The following KCNIP1 variants were observed in gnomAD, a reference collection of about 807,000 sequenced individuals.
KCNIP1 encodes A-type potassium channel modulatory protein KCNIP1.
KCNIP1 carries 18 observed loss-of-function variants against 33.0 expected under a neutral mutation model. The ratio of observed to expected loss-of-function variants is 0.55; its 90% CI spans 0.38 to 0.81. The LOEUF (loss-of-function observed/expected upper bound fraction) is 0.81, where lower values mean the gene tolerates loss of function less well. Among genes scored for constraint, KCNIP1 ranks in the 30% least tolerant of loss-of-function variants. The probability of loss-of-function intolerance (pLI) is 0.00; values close to 1 mark genes in which losing one functional copy is unlikely to be tolerated. For missense variants in KCNIP1, 238 were observed against 271.6 expected, an observed-to-expected ratio of 0.88 and a Z score of 0.87; for synonymous variants, 93 against 98.3, an observed-to-expected ratio of 0.95 and a Z score of 0.32.
chr5:170,497,743 C>T (rs1757336568), intron 1 of KCNIP1, among the ~76,000 whole-genome samples: 1 of 152,202 alleles, frequency 6.6e-6, no homozygotes, highest in African/African-American at 2.4e-5. Flanking sequence ...AAATATCCTT[C>T]CCCCTCTCCC....
At chr5:170,427,201 C>T (rs111864563) in intron 1 of KCNIP1, among the ~76,000 whole-genome samples, 2,073 of 152,302 alleles carry the variant, frequency 0.014, 48 homozygotes, top group African/African-American at 0.048. Context: ...TAAAGAGGTG[C>T]TGAGAGTCAC....
At chr5:170,453,212 T>C (rs1399323416) in intron 1 of KCNIP1, among the ~76,000 whole-genome samples, 1 of 152,202 alleles carries the variant, frequency 6.6e-6, no homozygotes, top group Non-Finnish European at 1.5e-5. Context: ...CAAAATGCAT[T>C]TACGCTCAGC....
At chr5:170,533,584 T>G (rs2113353188) in intron 1 of KCNIP1, among the ~76,000 whole-genome samples, 1 of 152,268 alleles carries the variant, frequency 6.6e-6, no homozygotes, top group Middle Eastern at 3.4e-3. Context: ...GGAACTATGC[T>G]CTGTCATTTA....
chr5:170,394,729 A>G (rs941756306), intron 1 of KCNIP1, among the ~76,000 whole-genome samples: 1 of 152,020 alleles, frequency 6.6e-6, no homozygotes, highest in African/African-American at 2.4e-5. Flanking sequence ...CAAAAAGAAG[A>G]TTTTCAGCCT....
intron 1 of KCNIP1, among the ~76,000 whole-genome samples, chr5:170,606,066 C>T (rs1052564171): frequency 6.6e-5 from 10 of 152,174 alleles, no homozygotes; most frequent in African/African-American, 1.4e-4. Flanking sequence ...TGAGCCACCA[C>T]GCCTGGCCAC....
chr5:170,418,473 T>C (rs953624961), intron 1 of KCNIP1, among the ~76,000 whole-genome samples: 4 of 152,142 alleles, frequency 2.6e-5, no homozygotes, highest in African/African-American at 9.7e-5. Flanking sequence ...TCTCCAGCCC[T>C]TGCCTCCTCA....
chr5:170,607,663 G>T (rs1043492157), intron 1 of KCNIP1, among the ~76,000 whole-genome samples: 4 of 152,230 alleles, frequency 2.6e-5, no homozygotes, highest in Admixed American at 2.6e-4. Context: ...TGCCTCCTCA[G>T]TGGCTGTTTC....
chr5:170,451,204 A>G (rs774194312), intron 1 of KCNIP1, among the ~76,000 whole-genome samples: 26 of 152,180 alleles, frequency 1.7e-4, no homozygotes, highest in Non-Finnish European at 3.4e-4. Flanking sequence ...AAACAAGAAC[A>G]TTGTCTAAAC....
chr5:170,417,451 G>C (rs167529), intron 1 of KCNIP1, among the ~76,000 whole-genome samples: 108,194 of 152,102 alleles, frequency 0.71, 39,108 homozygotes, highest in African/African-American at 0.85. Flanking sequence ...AGACGCTATG[G>C]CTGCTTTGCT....
At chr5:170,442,029 T>A (rs918498554) in intron 1 of KCNIP1, among the ~76,000 whole-genome samples, 3 of 148,506 alleles carry the variant, frequency 2.0e-5, no homozygotes, top group African/African-American at 7.4e-5. Context: ...TGATACTCTA[T>A]CCAGGAAGAG....
At chr5:170,414,928 T>A (rs1277804721) in intron 1 of KCNIP1, among the ~76,000 whole-genome samples, 1 of 152,180 alleles carries the variant, frequency 6.6e-6, no homozygotes, top group African/African-American at 2.4e-5. Context: ...GGGGAGGAGA[T>A]TCTTCCAGGT....
intron 1 of KCNIP1, among the ~76,000 whole-genome samples, chr5:170,522,633 G>A (rs1755404864): frequency 6.6e-6 from 1 of 152,180 alleles, no homozygotes; most frequent in Non-Finnish European, 1.5e-5. Flanking sequence ...CACCTTGTGA[G>A]GTCTTTGGGA....
chr5:170,371,658 G>T (rs1763849163), intron 1 of KCNIP1, among the ~76,000 whole-genome samples: 1 of 152,168 alleles, frequency 6.6e-6, no homozygotes, highest in Non-Finnish European at 1.5e-5. Context: ...ACTGTTCAAT[G>T]AGCTGTGCCT....
At chr5:170,534,505 A>G (rs373886920) in intron 1 of KCNIP1, among the ~76,000 whole-genome samples, 37,856 of 150,738 alleles carry the variant, frequency 0.25, 6,375 homozygotes, top group African/African-American at 0.49. Flanking sequence ...GAGGAGAAGG[A>G]GGAGAAGGAG....
chr5:170,405,491 G>A (rs77291456), intron 1 of KCNIP1, among the ~76,000 whole-genome samples: 20 of 152,288 alleles, frequency 1.3e-4, no homozygotes, highest in Non-Finnish European at 2.6e-4. Flanking sequence ...AGCCTGAGCC[G>A]TTGTGCCCAG....
At chr5:170,408,393 T>G (rs1242545676) in intron 1 of KCNIP1, among the ~76,000 whole-genome samples, 1 of 152,232 alleles carries the variant, frequency 6.6e-6, no homozygotes, top group Non-Finnish European at 1.5e-5. Context: ...GATCCTGGTC[T>G]GTAATCTGCT....
At chr5:170,646,890 A>G (rs1470451626) in intron 1 of KCNIP1, among the ~76,000 whole-genome samples, 1 of 152,224 alleles carries the variant, frequency 6.6e-6, no homozygotes, top group Non-Finnish European at 1.5e-5. Context: ...AAGCTATTAT[A>G]CTGAGGTTGC....
At chr5:170,517,673 G>A (rs1473730423) in intron 1 of KCNIP1, among the ~76,000 whole-genome samples, 1 of 151,590 alleles carries the variant, frequency 6.6e-6, no homozygotes, top group Non-Finnish European at 1.5e-5. Flanking sequence ...TGGTGGTGGT[G>A]ATGATAGTGA....
chr5:170,647,830 T>C (rs1340276857), intron 1 of KCNIP1, among the ~76,000 whole-genome samples: 2 of 151,946 alleles, frequency 1.3e-5, no homozygotes, highest in East Asian at 3.9e-4. Context: ...GTTAAGAGAA[T>C]GAGAAAATAA....
Sources: allele counts gnomAD v4.1 joint callset (sites outside exome capture counted in the v4.1 genomes callset), GRCh38; gene constraint gnomAD v4.1.1; transcripts MANE v1.5; gene names NCBI Gene and HGNC (gene_info 2026-07-23, HGNC 2026-07-21).